MACF1: variants seen among roughly 807,000 people sequenced by gnomAD.
MACF1 encodes the protein microtubule actin crosslinking factor 1.
Under a neutral mutation model 854.8 loss-of-function variants are expected in MACF1, and 193 were observed. The observed-to-expected ratio is 0.23, with a 90% CI of 0.20 to 0.25. MACF1 has a LOEUF of 0.25. MACF1 is among the 10% of genes least tolerant of loss of function. The pLI is 1.00. For missense variants in MACF1, 7,722 were observed against 8,929.1 expected, an observed-to-expected ratio of 0.86 and a Z score of 5.45; for synonymous variants, 3,185 against 3,226.7, an observed-to-expected ratio of 0.99 and a Z score of 0.44.
intron 2 of MACF1, among the ~76,000 whole-genome samples, chr1:39,099,367 G>C (rs548301422): frequency 6.6e-6 from 1 of 152,302 alleles, no homozygotes; most frequent in Non-Finnish European, 1.5e-5. Flanking sequence ...ATATTGGTCA[G>C]GCTGGCCTCG....
intron 2 of MACF1, among the ~76,000 whole-genome samples, chr1:39,126,609 A>T (rs1201908927): frequency 6.6e-6 from 1 of 151,954 alleles, no homozygotes; most frequent in African/African-American, 2.4e-5. Flanking sequence ...ACGTGGTGAA[A>T]CCCTGTCTCT....
At chr1:39,199,914 G>A (rs1444371259), upstream of MACF1, among the ~76,000 whole-genome samples, 1 of 152,186 alleles carries the variant, frequency 6.6e-6, no homozygotes, top group Non-Finnish European at 1.5e-5. Context: ...ATTCCCTTCA[G>A]CAAACACTAT....
chr1:39,177,423 A>G (rs1381211311), intron 2 of MACF1, among the ~76,000 whole-genome samples: 2 of 152,128 alleles, frequency 1.3e-5, no homozygotes, highest in East Asian at 1.9e-4. Context: ...TTCCCGGCCT[A>G]ACTACTGTTT....
At chr1:39,479,766 T>C in intron 97 of MACF1, 32 bp from the exon 98 acceptor site, 1 of 1,586,302 alleles carries the variant, frequency 6.3e-7, no homozygotes, top group African/African-American at 1.3e-5. Flanking sequence ...TTAGAAGAAC[T>C]GACATTGTGT....
chr1:39,332,923 C>T lies in MACF1; in HGVS notation c.6335C>T (p.Thr2112Ile), dbSNP rs1646752004. 1.9e-6 allele frequency: 3 copies of T among 1,613,928 alleles called. No individual in the cohort carries two copies. The highest frequency in any genetic ancestry group is 1.7e-6 in the Non-Finnish European group (2 of 1,180,020). The change falls in exon 37 of 101, where the codon ACC becomes ATC. Residue 2112 changes from threonine to isoleucine, a missense_variant. Thr to Ile is a moderately conservative substitution (Grantham distance 89). Around this residue, in one of 15 missense-constraint regions of MACF1, gnomAD observed 1,531 missense variants for 1,601.6 expected, o/e 0.96. Transcript: ENST00000564288. ...GAGGTACAAAGGCAGTTGATAGGTA[C>T]CCAAAGGGAAGACCAAACAGCAGTG... ...KLEVQRQLIG[T>I]QREDQTAVSV... is the part of the protein sequence containing the mutation.
chr1:39,423,739 T>C (rs1022054526), intron 60 of MACF1, among the ~76,000 whole-genome samples: 1 of 152,070 alleles, frequency 6.6e-6, no homozygotes, highest in African/African-American at 2.4e-5. Flanking sequence ...TATTCATCAC[T>C]TCAAATGTTA....
At chr1:39,379,535 G>T in intron 54 of MACF1, 91 bp downstream of exon 54, 1 of 1,416,888 alleles carries the variant, frequency 7.1e-7, no homozygotes, top group Non-Finnish European at 9.6e-7. Flanking sequence ...CTGAGAGAGA[G>T]ACATGGGCAA....
intron 18 of MACF1, 45 bp from the exon 19 acceptor site, chr1:39,295,001 C>A: frequency 7.3e-7 from 1 of 1,374,134 alleles, no homozygotes; most frequent in South Asian, 1.2e-5. Flanking sequence ...ATCCGCTCCC[C>A]ACTGCCAAGA....
chr1:39,352,071 C>T (rs1647200592), intron 43 of MACF1, among the ~76,000 whole-genome samples: 1 of 152,208 alleles, frequency 6.6e-6, no homozygotes, highest in Non-Finnish European at 1.5e-5. Context: ...CCCCACTCAG[C>T]ACTGGCAGAT....
intron 2 of MACF1, among the ~76,000 whole-genome samples, chr1:39,114,317 A>G (rs1642492698): frequency 1.3e-5 from 2 of 152,228 alleles, no homozygotes; most frequent in East Asian, 1.9e-4. Flanking sequence ...AATATAAATC[A>G]AAGTCCATGA....
At chr1:39,245,676 C>A (rs892771946) in intron 2 of MACF1, among the ~76,000 whole-genome samples, 11 of 152,222 alleles carry the variant, frequency 7.2e-5, no homozygotes, top group Non-Finnish European at 1.3e-4. Flanking sequence ...TTGTTTGTAC[C>A]CAGGAGTTCG....
upstream of MACF1, among the ~76,000 whole-genome samples, chr1:39,202,101 G>C (rs528614112): frequency 6.7e-6 from 1 of 149,370 alleles, no homozygotes; most frequent in South Asian, 2.1e-4. Flanking sequence ...CAAGTAGCTG[G>C]GATTACAGGC....
Position 39,486,928 on chromosome 1 carries a change from C to T in MACF1, c.*1134C>T, listed in dbSNP as rs1645107617. On this transcript the variant is annotated 3_prime_UTR_variant, in exon 101 of 101. Transcript: ENST00000564288. ...ATTGAGGCAGAAACTGAAGCTCTACCAATGAACTGTTTAGAAACAAGACAC... is the reference window on the plus strand; with the variant it reads ...ATTGAGGCAGAAACTGAAGCTCTACTAATGAACTGTTTAGAAACAAGACAC... The T allele has an allele frequency of 6.6e-6, 1 of 152,572 alleles. No homozygotes were observed. Among genetic ancestry groups the T allele is most frequent in the Non-Finnish European group, 1.5e-5 (1 of 68,040 alleles). The allele number at this position is 152,572 out of a possible 1,614,324, so 9.5% of individuals were successfully genotyped here. A position where few individuals can be genotyped will look rare whatever the true frequency, so the allele number is the denominator to read the frequency against.
At chr1:39,475,124 G>A (rs114738478) in intron 97 of MACF1, among the ~76,000 whole-genome samples, 4 of 152,078 alleles carry the variant, frequency 2.6e-5, no homozygotes, top group Non-Finnish European at 4.4e-5. Context: ...GAAAAGTCAC[G>A]GTCAAATGAA....
chr1:39,421,849 C>G (rs1355542874), intron 58 of MACF1, among the ~76,000 whole-genome samples: 1 of 152,108 alleles, frequency 6.6e-6, no homozygotes, highest in Non-Finnish European at 1.5e-5. Flanking sequence ...CCGAGGAGGG[C>G]GGATCACGAG....
chr1:39,463,576 A>C, intron 93 of MACF1, 36 bp from the exon 94 acceptor site: 1 of 1,475,132 alleles, frequency 6.8e-7, no homozygotes, highest in Non-Finnish European at 9.5e-7. Context: ...GTTTTGCTCT[A>C]CCCTTTACAC....
intron 2 of MACF1, chr1:39,102,595 A>C: frequency 1.7e-6 from 1 of 604,922 alleles, no homozygotes; most frequent in Non-Finnish European, 2.9e-6. Context: ...TGAAAGAAAT[A>C]GAAAGTGGCA....
At chr1:39,099,404 G>A (rs527671111) in intron 2 of MACF1, among the ~76,000 whole-genome samples, 7 of 152,232 alleles carry the variant, frequency 4.6e-5, no homozygotes, top group South Asian at 2.1e-4. Context: ...TGATCTGCCC[G>A]CCCTGGCCTC....
chr1:39,425,257 AC>A (rs1391739534), intron 61 of MACF1, among the ~76,000 whole-genome samples: 2 of 150,030 alleles, frequency 1.3e-5, no homozygotes, highest in Admixed American at 1.3e-4. Flanking sequence ...TCTAATTCCC[AC>A]TCTCCCCTCA....
Sources: allele counts gnomAD v4.1 joint callset (sites outside exome capture counted in the v4.1 genomes callset), GRCh38; gene constraint gnomAD v4.1.1; regional missense constraint gnomAD v4.1.1; transcripts MANE v1.5; gene names NCBI Gene and HGNC (gene_info 2026-07-23, HGNC 2026-07-21).